RALYL: variants seen among roughly 807,000 people sequenced by gnomAD.
The protein encoded by RALYL is RNA-binding Raly-like protein.
A neutral mutation model predicts 35.1 loss-of-function variants in RALYL; 29 were observed. The observed-to-expected ratio is 0.83, with a 90% CI of 0.61 to 1.13. RALYL has a LOEUF of 1.13. Among genes scored for constraint, RALYL ranks in the 50% most tolerant of loss-of-function variants. RALYL has a pLI of 0.00. For missense variants in RALYL, 359 were observed against 360.4 expected (o/e 1.00, Z 0.03); for synonymous variants, 120 against 127.6 (o/e 0.94, Z 0.40).
At chr8:84,842,244 G>A (rs9694799) in intron 4 of RALYL, among the ~76,000 whole-genome samples, 42,243 of 151,748 alleles carry the variant, frequency 0.28, 6,378 homozygotes, top group East Asian at 0.63. Flanking sequence ...GAAGAAAAGA[G>A]AGAAGAATCA....
At chr8:84,407,368 GA>G (rs1350128161) in intron 1 of RALYL, among the ~76,000 whole-genome samples, 5 of 152,010 alleles carry the variant, frequency 3.3e-5, no homozygotes, top group African/African-American at 4.8e-5. Flanking sequence ...ATCTTATTTT[GA>G]AAAAACTTTT....
intron 2 of RALYL, among the ~76,000 whole-genome samples, chr8:84,741,343 T>C (rs973155581): frequency 2.0e-5 from 3 of 151,996 alleles, no homozygotes; most frequent in Non-Finnish European, 4.4e-5. Flanking sequence ...CAGCTAGCTG[T>C]CTTAGTTTGC....
At chr8:84,597,501 AC>A (rs1814850580) in intron 2 of RALYL, among the ~76,000 whole-genome samples, 1 of 151,998 alleles carries the variant, frequency 6.6e-6, no homozygotes, top group East Asian at 1.9e-4. Context: ...CTGAAATAGC[AC>A]TGTAATAGGT....
intron 1 of RALYL, among the ~76,000 whole-genome samples, chr8:84,453,953 C>T (rs957740710): frequency 2.0e-5 from 3 of 151,968 alleles, no homozygotes; most frequent in African/African-American, 7.2e-5. Flanking sequence ...TAGGCTAATT[C>T]AATCTCAAAC....
chr8:84,702,159 A>G (rs1840307269), intron 2 of RALYL, among the ~76,000 whole-genome samples: 1 of 152,210 alleles, frequency 6.6e-6, no homozygotes. Context: ...CACCTAATGA[A>G]CATTCTCTAA....
intron 7 of RALYL, among the ~76,000 whole-genome samples, chr8:84,886,621 G>C (rs1842951070): frequency 1.3e-5 from 2 of 152,098 alleles, no homozygotes; most frequent in African/African-American, 4.8e-5. Flanking sequence ...AACATACAAT[G>C]ATCTAATTTA....
At chr8:84,468,670 C>A (rs560375586) in intron 1 of RALYL, among the ~76,000 whole-genome samples, 303 of 148,800 alleles carry the variant, frequency 2.0e-3, no homozygotes, top group African/African-American at 7.0e-3. Flanking sequence ...CTCTGTATTT[C>A]CTGAATCTGA....
At chr8:84,462,859 A>T (rs188770167) in intron 1 of RALYL, among the ~76,000 whole-genome samples, 20 of 151,934 alleles carry the variant, frequency 1.3e-4, no homozygotes, top group Non-Finnish European at 2.4e-4. Context: ...GAAGTTCATC[A>T]TCAAATTCAC....
intron 1 of RALYL, among the ~76,000 whole-genome samples, chr8:84,199,587 G>T (rs1369975729): frequency 6.6e-6 from 1 of 152,134 alleles, no homozygotes; most frequent in African/African-American, 2.4e-5. Context: ...ATGTCCTGGA[G>T]AGTTTCCCCA....
At chr8:84,827,489 A>G (rs1311490564) in intron 4 of RALYL, among the ~76,000 whole-genome samples, 1 of 152,182 alleles carries the variant, frequency 6.6e-6, no homozygotes, top group East Asian at 1.9e-4. Context: ...TCTTTTGATC[A>G]CATGAATAGA....
At chr8:84,837,335 C>T (rs1394166226) in intron 4 of RALYL, among the ~76,000 whole-genome samples, 2 of 152,104 alleles carry the variant, frequency 1.3e-5, no homozygotes, top group African/African-American at 2.4e-5. Context: ...TATAGAAAGC[C>T]AGTTATCGCA....
intron 2 of RALYL, among the ~76,000 whole-genome samples, chr8:84,728,506 T>G: frequency 6.6e-6 from 1 of 151,864 alleles, no homozygotes; most frequent in Non-Finnish European, 1.5e-5. Flanking sequence ...ATTTTGTCTT[T>G]TGTTGCCATT....
At chr8:84,847,129 G>A (rs1456340976) in intron 4 of RALYL, among the ~76,000 whole-genome samples, 1 of 152,228 alleles carries the variant, frequency 6.6e-6, no homozygotes, top group Non-Finnish European at 1.5e-5. Flanking sequence ...ATGTCTTGCT[G>A]CCGCTGCCCC....
chr8:84,529,238 C>A, intron 1 of RALYL, 61 bp from the exon 2 acceptor site: 1 of 1,514,390 alleles, frequency 6.6e-7, no homozygotes, highest in Non-Finnish European at 8.9e-7. Context: ...CACTGATACC[C>A]ATTCGATCTA....
intron 1 of RALYL, among the ~76,000 whole-genome samples, chr8:84,401,307 T>C (rs1469215178): frequency 1.3e-5 from 2 of 152,066 alleles, no homozygotes; most frequent in Non-Finnish European, 2.9e-5. Flanking sequence ...AATGTTTCAG[T>C]GTGGGGAAGG....
At chr8:84,462,550 A>T (rs2050928123) in intron 1 of RALYL, among the ~76,000 whole-genome samples, 2 of 150,620 alleles carry the variant, frequency 1.3e-5, no homozygotes, top group Admixed American at 1.3e-4. Flanking sequence ...CAAGTCTATA[A>T]TCACTTTTGA....
intron 2 of RALYL, among the ~76,000 whole-genome samples, chr8:84,685,709 G>T (rs1244900628): frequency 6.6e-6 from 1 of 152,096 alleles, no homozygotes; most frequent in Non-Finnish European, 1.5e-5. Context: ...TTGGAGTTCA[G>T]CATTCAAAAA....
At chr8:84,387,025 G>A (rs1200929224) in intron 1 of RALYL, among the ~76,000 whole-genome samples, 2 of 151,674 alleles carry the variant, frequency 1.3e-5, no homozygotes, top group East Asian at 3.9e-4. Context: ...GGCTTGTGAG[G>A]GTAGAGAGTG....
intron 4 of RALYL, among the ~76,000 whole-genome samples, chr8:84,808,484 C>T (rs781139752): frequency 3.9e-5 from 6 of 151,928 alleles, no homozygotes; most frequent in South Asian, 2.1e-4. Flanking sequence ...TTTGGCTATA[C>T]GGGCTCTTTT....
Sources: allele counts gnomAD v4.1 joint callset (sites outside exome capture counted in the v4.1 genomes callset), GRCh38; gene constraint gnomAD v4.1.1; transcripts MANE v1.5; gene names NCBI Gene and HGNC (gene_info 2026-07-23, HGNC 2026-07-21).